Variants in METTL18 observed in about 807,000 individuals in gnomAD.
METTL18 encodes histidine protein methyltransferase 1 homolog.
In METTL18, 15 loss-of-function variants were observed where a neutral mutation model predicts 19.6. The ratio of observed to expected loss-of-function variants is 0.77; its 90% CI spans 0.51 to 1.18. The LOEUF (loss-of-function observed/expected upper bound fraction) is 1.18. METTL18 is among the 50% of genes most tolerant of loss of function. The pLI is 0.00. For synonymous variants in METTL18, 131 were observed against 145.2 expected (o/e 0.90, Z 0.70); for missense variants, 392 against 418.8 (o/e 0.94, Z 0.56).
intron 1 of METTL18, 78 bp from the exon 2 acceptor site, chr1:169,793,975 A>C (rs1650288286): frequency 1.1e-5 from 3 of 285,556 alleles, no homozygotes; most frequent in African/African-American, 6.6e-5. Flanking sequence ...GTGTAATATT[A>C]AACAGCCACC....
At chr1:169,794,199 G>C (rs960350985) in intron 1 of METTL18, among the ~76,000 whole-genome samples, 7 of 152,186 alleles carry the variant, frequency 4.6e-5, no homozygotes, top group Non-Finnish European at 7.3e-5. Context: ...GGACAGCCTA[G>C]CTACTTGCTG....
chr1:169,794,785 T>G, intron 1 of METTL18, 30 bp downstream of exon 1: 28 of 212,642 alleles, frequency 1.3e-4, no homozygotes, highest in East Asian at 2.3e-4. Flanking sequence ...CACCTCCCCA[T>G]TTGAATGTAA....
rs116009269 is a variant in METTL18 at position 169,794,564 on chromosome 1, C to T, written c.-203+251G>A. ...AATCTTCTATCTACTGCGCTAGACACTATACCATCTGCCTCAATTTTCACA... is the reference window on the plus strand; with the variant it reads ...AATCTTCTATCTACTGCGCTAGACATTATACCATCTGCCTCAATTTTCACA... On this transcript the variant is annotated intron_variant, in intron 1 of 1. Transcript: ENST00000310392. 588 of 157,276 alleles carry T rather than the reference C, an allele frequency of 3.7e-3. 2 individuals carry two copies. Among genetic ancestry groups the T allele is most frequent in the African/African-American group, 0.013 (554 of 41,604 alleles). 9.7% of individuals were successfully genotyped at this position (157,276 alleles called of 1,614,324 possible).
At position 169,793,529 on chromosome 1, in the gene METTL18, G is replaced by A; in HGVS notation, c.167C>T (p.Pro56Leu). The change falls in exon 2 of 2, where the codon CCT (proline) becomes CTT (leucine). Residue 56 changes from proline to leucine, a missense_variant. Transcript: ENST00000310392. ...RKCSAEQFDLPQDHLWEHKSM... is the reference protein window; with the variant it reads ...RKCSAEQFDLLQDHLWEHKSM... ...CTTATGTTCCCACAAGTGATCCTGA[G>A]GCAAGTCAAATTGTTCTGCAGAACA... is the stretch of plus-strand genomic sequence containing the variant. 6.2e-7 allele frequency: 1 copy of A among 1,614,148 alleles called. No homozygotes were observed. The highest frequency in any genetic ancestry group is 8.5e-7 in the Non-Finnish European group (1 of 1,180,030).
rs1299934234 is a variant in METTL18 at position 169,792,981 on chromosome 1, C to T, written c.715G>A (p.Asp239Asn). 3 of 1,613,886 alleles carry T rather than the reference C, an allele frequency of 1.9e-6. No homozygotes were observed. Among genetic ancestry groups the T allele is most frequent in the Admixed American group, 1.7e-5 (1 of 59,990 alleles). ...GGCTCATTTACATCATTTTCTTCAT[C>T]TTCCAAAGTGGAGTTAGCTACTACA... is the stretch of plus-strand genomic sequence containing the variant. ...PNVVANSTLEDEENDVNEPDV... is the reference protein window; with the variant it reads ...PNVVANSTLENEENDVNEPDV... The change falls in exon 2 of 2, where the codon GAT (aspartate) becomes AAT (asparagine). Residue 239 changes from aspartate to asparagine, a missense_variant. Coordinates refer to ENST00000310392, the MANE Select transcript of METTL18 (RefSeq NM_033418.4).
chr1:169,793,367 T>G lies in METTL18; in HGVS notation c.329A>C (p.Lys110Thr). ...AKEHAMPKDL[K>T]KMLENKVIET... Reference sequence around the variant, plus strand: ...TATGACTTTATTTTCTAACATCTTCTTTAAATCTTTAGGCATAGCATGCTC... The same window carrying G: ...TATGACTTTATTTTCTAACATCTTCGTTAAATCTTTAGGCATAGCATGCTC... The change falls in exon 2 of 2, where the codon AAG becomes ACG. Residue 110 changes from lysine to threonine, a missense_variant. By Grantham distance (78) the Lys-to-Thr change is moderately conservative (BLOSUM62 -1). Coordinates refer to ENST00000310392, the MANE Select transcript of METTL18 (RefSeq NM_033418.4). The G allele has an allele frequency of 6.2e-7, 1 of 1,614,236 alleles. No homozygotes were observed. Among genetic ancestry groups the G allele is most frequent in the Non-Finnish European group, 8.5e-7 (1 of 1,180,030 alleles).
intron 1 of METTL18, among the ~76,000 whole-genome samples, chr1:169,794,472 CA>C (rs1179673520): frequency 6.6e-6 from 1 of 152,128 alleles, no homozygotes; most frequent in Admixed American, 6.5e-5. Flanking sequence ...GGTGGCAGAG[CA>C]AACGCAAACT....
rs1409474078 is a variant in METTL18 at position 169,793,044 on chromosome 1, A to G, written c.652T>C (p.Tyr218His). ...GGSKEIHFQD[Y>H]NSMVIDEVTL... ...ACTTCATCAATCACCATACTGTTAT[A>G]ATCTTGAAAGTGAATTTCTTTGGAC... The change falls in exon 2 of 2, where the codon TAT becomes CAT. Residue 218 changes from tyrosine to histidine, a missense_variant. Transcript: ENST00000310392. The G allele has an allele frequency of 6.2e-7, 1 of 1,614,170 alleles. No individual in the cohort carries two copies. The highest frequency in any genetic ancestry group is 8.5e-7 in the Non-Finnish European group (1 of 1,180,024).
At position 169,793,479 on chromosome 1, in the gene METTL18, G is replaced by A. The variant is rs758453720; in HGVS notation, c.217C>T (p.Gln73Ter). 2 of 1,614,146 alleles carry A rather than the reference G, an allele frequency of 1.2e-6. No homozygotes were observed. Among genetic ancestry groups the A allele is most frequent in the Non-Finnish European group, 1.7e-6 (2 of 1,180,012 alleles). ...HKSMENAAPS[Q>*]DTDSPLSAAS... ...GCACTGAGTGGACTGTCTGTGTCTT[G>A]AGAGGGAGCTGCATTTTCCATTGAC... is the stretch of plus-strand genomic sequence containing the variant. Residue 73 changes from glutamine to a stop codon, truncating the protein, a stop_gained, in exon 2 of 2, where the codon CAA becomes TAA. Transcript: ENST00000310392. LOFTEE classifies it high-confidence loss of function.
In METTL18 at chr1:169,792,654, T is replaced by TA. The variant is rs763814441; in HGVS notation, c.1041dup (p.Lys348Ter). 9.3e-6 allele frequency: 15 copies of TA among 1,611,172 alleles called. No homozygotes were observed. The highest frequency in any genetic ancestry group is 1.2e-5 in the Non-Finnish European group (14 of 1,179,268). ...TCAATTATTTTGAGTATTCTGGTCTTAAAAACATCTCTTTCTTCTACAAAC... is the reference window on the plus strand; with the variant it reads ...TCAATTATTTTGAGTATTCTGGTCTTAAAAAACATCTCTTTCTTCTACAAAC... On this transcript the variant is annotated frameshift_variant, in exon 2 of 2. Transcript: ENST00000310392. LOFTEE classifies it high-confidence loss of function.
In METTL18 at chr1:169,792,855, C is replaced by T. The variant is rs1650174379; in HGVS notation, c.841G>A (p.Glu281Lys). 6.2e-6 allele frequency: 10 copies of T among 1,613,944 alleles called. No homozygotes were observed. Among genetic ancestry groups the T allele is most frequent in the Non-Finnish European group, 8.5e-6 (10 of 1,179,976 alleles). The change falls in exon 2 of 2, where the codon GAA (glutamate) becomes AAA (lysine). Residue 281 changes from glutamate to lysine, a missense_variant. Physicochemically the swap from Glu to Lys is moderately conservative, Grantham distance 56. Transcript: ENST00000310392. ...AGATCATATTTTACAAAAAGTTTTT[C>T]ACTACTTAGTACAAGCTTACAAAAC... The part of the protein sequence containing the change: ...SEFCKLVLSS[E>K]KLFVKYDLIL...
At chr1:169,794,395 T>C (rs944009550) in intron 1 of METTL18, among the ~76,000 whole-genome samples, 1 of 152,142 alleles carries the variant, frequency 6.6e-6, no homozygotes. Context: ...AAACATTTAG[T>C]CGAGAACAGC....
In METTL18 at chr1:169,793,150, G is replaced by C; in HGVS notation, c.546C>G (p.Ala182=). Residue 182 remains alanine (A), a synonymous_variant, in exon 2 of 2, where the codon GCC becomes GCG. Coordinates refer to ENST00000310392, the MANE Select transcript of METTL18 (RefSeq NM_033418.4). ...TFDLLAYFTK[A]KVKFAGKKVL... ...CTTTTTTCCCAGCAAATTTCACTTT[G>C]GCCTTTGTGAAATAAGCCAGGAGGT... is the stretch of plus-strand genomic sequence containing the variant. 1 of 1,614,118 alleles carries C rather than the reference G, an allele frequency of 6.2e-7. No individual in the cohort carries two copies. Among genetic ancestry groups the C allele is most frequent in the African/African-American group, 1.3e-5 (1 of 75,034 alleles).
At position 169,793,009 on chromosome 1, in the gene METTL18, A is replaced by C. The variant is rs1348841886; in HGVS notation, c.687T>G (p.Pro229=). The C allele has an allele frequency of 6.2e-7, 1 of 1,614,158 alleles. No individual in the cohort carries two copies. Among genetic ancestry groups the C allele is most frequent in the East Asian group, 2.2e-5 (1 of 44,872 alleles). The part of the protein sequence containing the change: ...NSMVIDEVTL[P]NVVANSTLED... ...CCAAAGTGGAGTTAGCTACTACATT[A>C]GGTAAGGTTACTTCATCAATCACCA... The change falls in exon 2 of 2, where the codon CCT becomes CCG. Residue 229 remains proline, a synonymous_variant. Coordinates refer to ENST00000310392, the MANE Select transcript of METTL18 (RefSeq NM_033418.4).
intron 1 of METTL18, among the ~76,000 whole-genome samples, chr1:169,794,195 C>T (rs977471315): frequency 2.0e-5 from 3 of 152,224 alleles, no homozygotes; most frequent in Non-Finnish European, 4.4e-5. Flanking sequence ...GACAGGACAG[C>T]CTAGCTACTT....
In METTL18 at chr1:169,793,674, T is replaced by C. The variant is rs1041219126; in HGVS notation, c.22A>G (p.Thr8Ala). 22 of 1,594,842 alleles carry C rather than the reference T, an allele frequency of 1.4e-5. No homozygotes were observed. The highest frequency in any genetic ancestry group is 1.8e-5 in the Non-Finnish European group (21 of 1,171,436). The change falls in exon 2 of 2, where the codon ACT becomes GCT. Residue 8 changes from threonine to alanine, a missense_variant. By Grantham distance (58) the Thr-to-Ala change is moderately conservative. Transcript: ENST00000310392. ...TCATTTTCCAGATGGTCTTCTATAG[T>C]GAAATTAAACTGAAAGGTCATCCTC... The part of the protein sequence containing the change: MTFQFNF[T>A]IEDHLENELT...
Position 169,794,837 on chromosome 1 carries a change from G to C in METTL18, c.-225C>G, listed in dbSNP as rs1436632620. On this transcript the variant is annotated 5_prime_UTR_variant, in exon 1 of 2. Transcript: ENST00000310392. ...GACCTGGGGATGCTTGCTTCCCGAC[G>C]TGTCCTGGGATCGCGCTTCTGAAAA... is the stretch of plus-strand genomic sequence containing the variant. 62 of 457,088 alleles carry C rather than the reference G, an allele frequency of 1.4e-4. No individual in the cohort carries two copies. The highest frequency in any genetic ancestry group is 2.4e-5 in the Non-Finnish European group (6 of 249,136). 28.3% of individuals were successfully genotyped at this position (457,088 alleles called of 1,614,324 possible). A position where few individuals can be genotyped will look rare whatever the true frequency, so the allele number is the denominator to read the frequency against.
rs1396529122 is a variant in METTL18, at chr1:169,793,565, C to T, written c.131G>A (p.Arg44Lys). 2 of 1,614,108 alleles carry T rather than the reference C, an allele frequency of 1.2e-6. No individual in the cohort carries two copies. The highest frequency in any genetic ancestry group is 2.2e-5 in the South Asian group (2 of 91,080). ...SVSESQKGEE[R>K]DRKCSAEQFD... ...TTGTTCTGCAGAACATTTTCTGTCC[C>T]TCTCTTCTCCTTTTTGACTTTCTGA... Residue 44 changes from arginine to lysine, a missense_variant, in exon 2 of 2, where the codon AGG (arginine) becomes AAG (lysine). Physicochemically the swap from Arg to Lys is conservative, Grantham distance 26. Transcript: ENST00000310392.
At position 169,793,222 on chromosome 1, in the gene METTL18, A is replaced by T. The variant is rs774641810; in HGVS notation, c.474T>A (p.Ile158=). The change falls in exon 2 of 2, where the codon ATT becomes ATA. Residue 158 remains isoleucine, a synonymous_variant. Transcript: ENST00000310392. ...SKSFSSHSDL[I]TGVYEGGLKI... ...TTAAGCCTCCCTCATAAACACCTGT[A>T]ATCAGATCAGAGTGAGAAGAAAAGC... is the stretch of plus-strand genomic sequence containing the variant. The T allele has an allele frequency of 2.0e-5, 32 of 1,614,074 alleles. No homozygotes were observed. Among genetic ancestry groups the T allele is most frequent in the Non-Finnish European group, 2.6e-5 (31 of 1,180,048 alleles).
Sources: allele counts gnomAD v4.1 joint callset (sites outside exome capture counted in the v4.1 genomes callset), GRCh38; gene constraint gnomAD v4.1.1; transcripts MANE v1.5; gene names NCBI Gene and HGNC (gene_info 2026-07-23, HGNC 2026-07-21).